Variants in MUC20 observed in about 807,000 individuals in gnomAD.
MUC20 encodes the protein mucin 20, cell surface associated.
In MUC20, 14 loss-of-function variants were observed where a neutral mutation model predicts 23.8. The observed-to-expected ratio is 0.59, with a 90% CI of 0.39 to 0.92. The LOEUF (loss-of-function observed/expected upper bound fraction) is 0.92, where lower values mean the gene tolerates loss of function less well. Ranked by LOEUF, MUC20 falls within the 40% of genes least tolerant of loss-of-function variation. MUC20 has a pLI of 0.00. For missense variants in MUC20, 375 were observed against 668.8 expected, an observed-to-expected ratio of 0.56 and a Z score of 4.85; for synonymous variants, 166 against 279.3, an observed-to-expected ratio of 0.59 and a Z score of 4.04.
intron 2 of MUC20, among the ~76,000 whole-genome samples, chr3:195,728,267 T>C (rs557766885): frequency 2.3e-3 from 356 of 152,296 alleles, no homozygotes; most frequent in African/African-American, 7.6e-3. Context: ...CTCTGAGTTT[T>C]CTCAGTTTTT....
chr3:195,727,921 A>G (rs904716835), intron 2 of MUC20, among the ~76,000 whole-genome samples: 3 of 149,366 alleles, frequency 2.0e-5, no homozygotes, highest in Non-Finnish European at 4.4e-5. Context: ...GGCTTTGCAT[A>G]TGTTATCTGA....
intron 2 of MUC20, among the ~76,000 whole-genome samples, chr3:195,727,457 A>C (rs1277049110): frequency 6.6e-6 from 1 of 152,252 alleles, no homozygotes; most frequent in Non-Finnish European, 1.5e-5. Context: ...GGGACTTCTC[A>C]GGGGAGAAGT....
At chr3:195,730,768 A>C (rs1713310129) in intron 3 of MUC20, among the ~76,000 whole-genome samples, 1 of 152,214 alleles carries the variant, frequency 6.6e-6, no homozygotes, top group Non-Finnish European at 1.5e-5. Context: ...CCAAGAAAAT[A>C]GGGAGGCTAG....
At chr3:195,731,801 T>C (rs2688477) in intron 3 of MUC20, among the ~76,000 whole-genome samples, 59,073 of 150,284 alleles carry the variant, frequency 0.39, 7,741 homozygotes, top group East Asian at 0.73. Context: ...GGGATGTCTG[T>C]GTCCTTGGAG....
Position 195,729,738 on chromosome 3 carries a change from A to AG in MUC20, c.2061+1dup, listed in dbSNP as rs1713167596. On this transcript the variant is annotated frameshift_variant and splice_region_variant, in exon 3 of 4. Transcript: ENST00000447234. LOFTEE classifies it low-confidence loss of function (END_TRUNC). Reference sequence around the variant, plus strand: ...AGAGTGGCAGAAAGGCTGATGCAGCAGGTGAGTGGGCACTTTCCGGGCCAG... The same window carrying AG: ...AGAGTGGCAGAAAGGCTGATGCAGCAGGGTGAGTGGGCACTTTCCGGGCCAG... 4.4e-6 allele frequency: 7 copies of AG among 1,593,734 alleles called. No homozygotes were observed. Among genetic ancestry groups the AG allele is most frequent in the Non-Finnish European group, 6.0e-6 (7 of 1,169,448 alleles).
chr3:195,723,504 G>A (rs141139258), intron 1 of MUC20, among the ~76,000 whole-genome samples: 22 of 115,926 alleles, frequency 1.9e-4, no homozygotes, highest in African/African-American at 8.2e-4. Flanking sequence ...TAAAACACAG[G>A]GCATCCAGTT....
intron 2 of MUC20, among the ~76,000 whole-genome samples, chr3:195,727,354 G>A (rs1056266210): frequency 3.3e-5 from 5 of 152,328 alleles, no homozygotes; most frequent in East Asian, 1.9e-4. Context: ...GAGCTGAGAC[G>A]GAGTGAAACT....
chr3:195,729,402 C>T (rs559976576), intron 2 of MUC20: 54 of 495,002 alleles, frequency 1.1e-4, no homozygotes, highest in South Asian at 7.3e-4. Flanking sequence ...CCACAACCTC[C>T]GCCTCCCAGG....
chr3:195,727,336 G>T (rs1265047778), intron 2 of MUC20, among the ~76,000 whole-genome samples: 2 of 152,364 alleles, frequency 1.3e-5, no homozygotes, highest in South Asian at 2.1e-4. Context: ...GGAGGTGGAG[G>T]TTACAGTGAG....
chr3:195,731,721 C>A (rs929102906), intron 3 of MUC20, among the ~76,000 whole-genome samples: 5 of 152,250 alleles, frequency 3.3e-5, no homozygotes, highest in Non-Finnish European at 5.9e-5. Flanking sequence ...TGAGTAGGAA[C>A]ATTTGATAGG....
At chr3:195,728,873 A>G (rs1713046593) in intron 2 of MUC20, among the ~76,000 whole-genome samples, 1 of 152,238 alleles carries the variant, frequency 6.6e-6, no homozygotes, top group Non-Finnish European at 1.5e-5. Context: ...TACTGCTTGT[A>G]AACATTTTGT....
At chr3:195,732,762 G>T (rs931470705) in intron 3 of MUC20, among the ~76,000 whole-genome samples, 3 of 152,236 alleles carry the variant, frequency 2.0e-5, no homozygotes, top group African/African-American at 4.8e-5. Flanking sequence ...CAGCTGAGGC[G>T]CAGGCACCAG....
chr3:195,728,531 T>C (rs1364350588), intron 2 of MUC20, among the ~76,000 whole-genome samples: 1 of 152,264 alleles, frequency 6.6e-6, no homozygotes, highest in African/African-American at 2.4e-5. Flanking sequence ...GGGTGGTTTT[T>C]CTCCTGTCTC....
chr3:195,728,744 A>C (rs1316076264), intron 2 of MUC20, among the ~76,000 whole-genome samples: 2 of 151,158 alleles, frequency 1.3e-5, no homozygotes, highest in Non-Finnish European at 3.0e-5. Flanking sequence ...CAGACTATAC[A>C]TGGGGAGAAA....
intron 3 of MUC20, among the ~76,000 whole-genome samples, chr3:195,732,012 T>C (rs1170868397): frequency 4.0e-5 from 6 of 150,734 alleles, no homozygotes; most frequent in African/African-American, 1.5e-4. Flanking sequence ...TTTGTTTTGT[T>C]TTGTTTTCTG....
chr3:195,728,967 C>G (rs967061021), intron 2 of MUC20, among the ~76,000 whole-genome samples: 1 of 152,260 alleles, frequency 6.6e-6, no homozygotes, highest in Non-Finnish European at 1.5e-5. Flanking sequence ...AAGGTTGGGG[C>G]AAAGTTACAA....
chr3:195,733,135 T>C lies in MUC20; in HGVS notation c.2062-15T>C. 6.3e-7 allele frequency: 1 copy of C among 1,577,908 alleles called. No homozygotes were observed. The highest frequency in any genetic ancestry group is 8.6e-7 in the Non-Finnish European group (1 of 1,162,768). The stretch of plus-strand genomic sequence containing the variant: ...CAGATGGGCTGAAAGGACAGCTGGC[T>C]CTTTTGCTCTCCAGCTCCACCGGGA... On this transcript the variant is annotated splice_polypyrimidine_tract_variant and intron_variant, in intron 3 of 3. Transcript: ENST00000447234.
rs565356582 is a variant in MUC20 at position 195,733,404 on chromosome 3, C to T, written c.*186C>T. 1.9e-4 allele frequency: 275 copies of T among 1,452,074 alleles called. No homozygotes were observed. Among genetic ancestry groups the T allele is most frequent in the East Asian group, 2.5e-4 (10 of 39,944 alleles). The allele number at this position is 1,452,074 out of a possible 1,614,324, so 89.9% of individuals were successfully genotyped here. On this transcript the variant is annotated 3_prime_UTR_variant, in exon 4 of 4. Coordinates refer to ENST00000447234, the MANE Select transcript of MUC20 (RefSeq NM_001282506.2). ...CAACAGGACCCTCGCTCACATCCAC[C>T]GGAGTGTATGTGTGGGGAGGGGCTT...
At chr3:195,730,987 A>AG (rs1369879643) in intron 3 of MUC20, among the ~76,000 whole-genome samples, 1 of 152,110 alleles carries the variant, frequency 6.6e-6, no homozygotes, top group African/African-American at 2.4e-5. Flanking sequence ...GGCCTCACTG[A>AG]GGGGTGGGTT....
Sources: gnomAD v4.1 joint callset for allele counts (sites outside exome capture counted in the v4.1 genomes callset) on GRCh38, gnomAD v4.1.1 for gene constraint, MANE v1.5 for transcripts, NCBI Gene and HGNC (gene_info 2026-07-23, HGNC 2026-07-21) for gene names.